SCN2A: variants seen among roughly 807,000 people sequenced by gnomAD.
The protein encoded by SCN2A is sodium voltage-gated channel alpha subunit 2, also known as sodium channel protein type 2 subunit alpha.
A neutral mutation model predicts 188.7 loss-of-function variants in SCN2A; 20 were observed. That is an observed-to-expected ratio of 0.11 (90% CI 0.07 to 0.15). The LOEUF is 0.15. Among genes scored for constraint, SCN2A ranks in the 10% least tolerant of loss-of-function variants. The pLI is 1.00. For missense variants in SCN2A, 1,278 were observed against 2,445.0 expected (o/e 0.52, Z 10.07); for synonymous variants, 804 against 833.1 (o/e 0.97, Z 0.60).
In SCN2A at chr2:165,313,787, T is replaced by C. The variant is rs767461189; in HGVS notation, c.1176+26T>C. The C allele has an allele frequency of 3.7e-6, 6 of 1,613,536 alleles. No individual in the cohort carries two copies. In the African/African-American group the frequency reaches 4.0e-5, roughly 11 times the overall value. ...GTGAGAACAGATAAAATCATTTTTCTGAGAATCATAAAACACCGAACTCAA... is the reference window on the plus strand; with the variant it reads ...GTGAGAACAGATAAAATCATTTTTCCGAGAATCATAAAACACCGAACTCAA... On this transcript the variant is annotated intron_variant, in intron 9 of 26. Coordinates refer to ENST00000375437, the MANE Select transcript of SCN2A (RefSeq NM_001040142.2).
chr2:165,290,722 A>G (rs563485582), intron 1 of SCN2A: 1 of 968,144 alleles, frequency 1.0e-6, no homozygotes, highest in Non-Finnish European at 1.2e-6. Flanking sequence ...CACTCATCAT[A>G]GAGATTTATG....
At position 165,374,980 on chromosome 2, in the gene SCN2A, T is replaced by C. The variant is rs772748739; in HGVS notation, c.4254+14T>C. 1 of 1,608,924 alleles carries C rather than the reference T, an allele frequency of 6.2e-7. No individual in the cohort carries two copies. The highest frequency in any genetic ancestry group is 1.1e-5 in the South Asian group (1 of 90,898). ...CTACTTCAAGTAGTAAGTAATCACT[T>C]TATTATTTTCCATGATGTGTAATTA... is the stretch of plus-strand genomic sequence containing the variant. On this transcript the variant is annotated intron_variant, in intron 22 of 26. Transcript: ENST00000375437.
At chr2:165,244,791 G>C (rs536315831) in intron 1 of SCN2A, among the ~76,000 whole-genome samples, 2 of 152,150 alleles carry the variant, frequency 1.3e-5, no homozygotes, top group Admixed American at 1.3e-4. Context: ...AGGATTAGTT[G>C]GGAGTATAAT....
At chr2:165,370,393 G>A (rs888596712) in intron 20 of SCN2A, 94 bp downstream of exon 20, 1 of 1,191,746 alleles carries the variant, frequency 8.4e-7, no homozygotes, top group African/African-American at 1.5e-5. Flanking sequence ...CAGTAACACT[G>A]TATCAGCCCA....
chr2:165,333,024 T>C (rs1698782047), intron 14 of SCN2A, among the ~76,000 whole-genome samples: 1 of 152,002 alleles, frequency 6.6e-6, no homozygotes, highest in Non-Finnish European at 1.5e-5. Flanking sequence ...TCCTAACTAG[T>C]AGCTTTAATT....
Position 165,310,423 on chromosome 2 carries a change from A to T in SCN2A, c.798A>T (p.Gly266=), listed in dbSNP as rs1697365879. 1 of 1,613,550 alleles carries T rather than the reference A, an allele frequency of 6.2e-7. No individual in the cohort carries two copies. Among genetic ancestry groups the T allele is most frequent in the Admixed American group, 1.7e-5 (1 of 59,962 alleles). Reference sequence around the variant, plus strand: ...GTCTAAGCGTGTTTGCGCTAATAGGATTGCAGTTGTTCATGGGCAACCTAC... The same window carrying T: ...GTCTAAGCGTGTTTGCGCTAATAGGTTTGCAGTTGTTCATGGGCAACCTAC... The part of the protein sequence containing the change: ...VFCLSVFALI[G]LQLFMGNLRN... Residue 266 remains glycine (G), a synonymous_variant, in exon 7 of 27, where the codon GGA becomes GGT. Transcript: ENST00000375437.
rs866542362 is a variant in SCN2A, at chr2:165,388,681, C to T, written c.4875C>T (p.Phe1625=). ...IEKYFVSPTL[F]RVIRLARIGR... ...AGTATTTTGTGTCCCCTACCCTGTT[C>T]CGAGTGATCCGTCTTGCCAGGATTG... The change falls in exon 27 of 27, where the codon TTC becomes TTT. Residue 1625 remains phenylalanine (F), a synonymous_variant. Transcript: ENST00000375437. 2 of 1,613,972 alleles carry T rather than the reference C, an allele frequency of 1.2e-6. No individual in the cohort carries two copies. Among genetic ancestry groups the T allele is most frequent in the African/African-American group, 2.7e-5 (2 of 75,016 alleles).
chr2:165,387,848 A>G (rs751907377), intron 26 of SCN2A, among the ~76,000 whole-genome samples: 1 of 152,114 alleles, frequency 6.6e-6, no homozygotes, highest in East Asian at 1.9e-4. Flanking sequence ...TGATTCTCAC[A>G]TAAGTGCTAT....
At chr2:165,262,617 C>T (rs1295836668) in intron 1 of SCN2A, among the ~76,000 whole-genome samples, 2 of 151,768 alleles carry the variant, frequency 1.3e-5, no homozygotes, top group Non-Finnish European at 2.9e-5. Flanking sequence ...TGTATATACA[C>T]ATAGAATAAT....
intron 11 of SCN2A, among the ~76,000 whole-genome samples, chr2:165,319,361 GA>G (rs1426882119): frequency 6.6e-6 from 1 of 152,012 alleles, no homozygotes; most frequent in Admixed American, 6.6e-5. Context: ...TAAAAAAAAA[GA>G]AGTGGTTCTT....
intron 18 of SCN2A, 142 bp from the exon 19 acceptor site, chr2:165,367,075 T>A (rs1700767205): frequency 1.3e-6 from 1 of 768,578 alleles, no homozygotes; most frequent in South Asian, 1.7e-5. Context: ...TTAAGATAGC[T>A]TTTGTAAGCG....
intron 24 of SCN2A, 167 bp downstream of exon 24, chr2:165,380,896 G>A (rs1428158529): frequency 2.6e-5 from 18 of 702,628 alleles, no homozygotes; most frequent in Admixed American, 1.5e-4. Flanking sequence ...AATTCAGATA[G>A]CATGTTTTTG....
chr2:165,253,459 A>G (rs766597731), intron 1 of SCN2A, among the ~76,000 whole-genome samples: 3 of 152,254 alleles, frequency 2.0e-5, no homozygotes, highest in Non-Finnish European at 2.9e-5. Flanking sequence ...GTTTGGAGAG[A>G]TAAAGAATAA....
At chr2:165,356,808 A>G (rs1035076475) in intron 17 of SCN2A, among the ~76,000 whole-genome samples, 1 of 152,196 alleles carries the variant, frequency 6.6e-6, no homozygotes, top group Non-Finnish European at 1.5e-5. Context: ...AGGGAAGTCC[A>G]GTGATGTGGG....
chr2:165,320,932 T>G (rs1411546902), intron 11 of SCN2A, among the ~76,000 whole-genome samples: 2 of 152,192 alleles, frequency 1.3e-5, no homozygotes. Flanking sequence ...TTATGCAAAT[T>G]TCTACAGCCT....
At chr2:165,319,094 T>C (rs1008483192) in intron 11 of SCN2A, among the ~76,000 whole-genome samples, 3 of 152,058 alleles carry the variant, frequency 2.0e-5, no homozygotes. Flanking sequence ...TCCCAGCATT[T>C]TGGGAGGCCG....
intron 3 of SCN2A, among the ~76,000 whole-genome samples, chr2:165,307,263 A>G (rs774682952): frequency 7.2e-5 from 11 of 152,148 alleles, no homozygotes; most frequent in Non-Finnish European, 1.3e-4. Flanking sequence ...AACCAAGTCA[A>G]TTGAGATTCA....
intron 1 of SCN2A, among the ~76,000 whole-genome samples, chr2:165,244,546 A>G (rs1454937645): frequency 1.3e-5 from 2 of 152,196 alleles, no homozygotes; most frequent in African/African-American, 4.8e-5. Context: ...TTATTAGTGA[A>G]ACATTTTAGA....
chr2:165,265,468 GATCT>G (rs766730585), intron 1 of SCN2A, among the ~76,000 whole-genome samples: 1,652 of 19,720 alleles, frequency 0.084, 31 homozygotes, highest in Non-Finnish European at 0.12. Flanking sequence ...TTACTCTGTT[GATCT>G]ATATATATAT....
Sources: allele counts gnomAD v4.1 joint callset (sites outside exome capture counted in the v4.1 genomes callset), GRCh38; gene constraint gnomAD v4.1.1; transcripts MANE v1.5; gene names NCBI Gene and HGNC (gene_info 2026-07-23, HGNC 2026-07-21).